Variants in GNL3L observed in about 807,000 individuals in gnomAD.
The protein encoded by GNL3L is guanine nucleotide-binding protein-like 3-like protein.
Under a neutral mutation model 42.9 loss-of-function variants are expected in GNL3L, and 4 were observed. That is an observed-to-expected ratio of 0.09 (90% confidence interval 0.05 to 0.21). The LOEUF (loss-of-function observed/expected upper bound fraction) is 0.21, where lower values mean the gene tolerates loss of function less well. Ranked by LOEUF, GNL3L falls within the 10% of genes least tolerant of loss-of-function variation. GNL3L has a pLI of 1.00. For missense variants in GNL3L, 412 were observed against 481.7 expected, an observed-to-expected ratio of 0.86 and a Z score of 1.36; for synonymous variants, 159 against 176.3, an observed-to-expected ratio of 0.90 and a Z score of 0.78.
the GNL3L span, among the ~76,000 whole-genome samples, chrX:54,629,890 CT>C: frequency 9.0e-6 from 1 of 111,209 alleles, no homozygotes; most frequent in Non-Finnish European, 1.9e-5. Flanking sequence ...TGGTCCTCTA[CT>C]TTTTTTTGTT....
chrX:54,642,559 G>T, the GNL3L span, among the ~76,000 whole-genome samples: 60 of 109,634 alleles, frequency 5.5e-4, no homozygotes, highest in African/African-American at 2.0e-3. Context: ...TTTTTCCTTC[G>T]CCAGCTTTAA....
chrX:54,628,550 T>A, the GNL3L span, among the ~76,000 whole-genome samples: 1 of 111,376 alleles, frequency 9.0e-6, no homozygotes, highest in Non-Finnish European at 1.9e-5. Context: ...TTATGGTCAT[T>A]CTTCCAGGAG....
At chrX:54,629,961 A>G in the GNL3L span, among the ~76,000 whole-genome samples, 1 of 110,876 alleles carries the variant, frequency 9.0e-6, no homozygotes, top group East Asian at 2.8e-4. Flanking sequence ...CAGAGTTTAT[A>G]TTTCTTCCTG....
intron 16 of GNL3L, among the ~76,000 whole-genome samples, chrX:54,576,863 CT>C (rs1925642211): frequency 8.9e-6 from 1 of 111,860 alleles, no homozygotes; most frequent in Non-Finnish European, 1.9e-5. Context: ...TTCTCTACCC[CT>C]TTTTAAATCC....
chrX:54,565,065 T>G lies in GNL3L; in HGVS notation c.*4463T>G, dbSNP rs1601994931. ...TTTTCGTCTTTTGAAGACTGTTATA[T>G]ACATGAAATTATATGGTATGTAGCA... On this transcript the variant is annotated 3_prime_UTR_variant, in exon 16 of 16. Coordinates refer to ENST00000360845, the MANE Select transcript of GNL3L (RefSeq NM_001184819.2). Among the ~76,000 whole-genome samples the G allele has an allele frequency of 9.0e-6, 1 of 111,508 alleles. No homozygotes were observed. Among genetic ancestry groups the G allele is most frequent in the East Asian group, 2.8e-4 (1 of 3,564 alleles).
chrX:54,546,419 G>C (rs1273918589), intron 8 of GNL3L, among the ~76,000 whole-genome samples: 2 of 111,309 alleles, frequency 1.8e-5, no homozygotes, highest in South Asian at 7.6e-4. Flanking sequence ...AGGTGAGGTA[G>C]AGAAAGGGAG....
At chrX:54,637,000 AAGTGTTC>A in the GNL3L span, among the ~76,000 whole-genome samples, 4 of 112,142 alleles carry the variant, frequency 3.6e-5, no homozygotes, top group Non-Finnish European at 7.5e-5. Context: ...ATAAGTGTAT[AAGTGTTC>A]CCTTTTCTCT....
chrX:54,629,121 G>GA, the GNL3L span, among the ~76,000 whole-genome samples: 1 of 109,275 alleles, frequency 9.2e-6, no homozygotes, highest in African/African-American at 3.3e-5. Context: ...TTTGTATCCT[G>GA]AAACTTTACT....
chrX:54,538,231 G>A (rs954374851), intron 2 of GNL3L, among the ~76,000 whole-genome samples: 1 of 110,929 alleles, frequency 9.0e-6, no homozygotes, highest in Non-Finnish European at 1.9e-5. Flanking sequence ...GTTCTGTTTC[G>A]TACCTTAACT....
chrX:54,535,537 A>T (rs1293751056), intron 2 of GNL3L, among the ~76,000 whole-genome samples: 1 of 111,822 alleles, frequency 8.9e-6, no homozygotes, highest in Non-Finnish European at 1.9e-5. Context: ...TATGTTGGTA[A>T]TTGTATTCAT....
At chrX:54,624,736 T>G (rs6521780), downstream of GNL3L, among the ~76,000 whole-genome samples, 16,291 of 110,605 alleles carry the variant, frequency 0.15, 1,963 homozygotes, top group African/African-American at 0.41. Flanking sequence ...CCACCGCACC[T>G]GGCAGGAATG....
Position 54,552,377 on chromosome X carries a change from G to A in GNL3L, c.1267G>A (p.Glu423Lys), listed in dbSNP as rs1431817317. The A allele has an allele frequency of 2.5e-6, 3 of 1,206,820 alleles. No homozygotes were observed. Among genetic ancestry groups the A allele is most frequent in the Admixed American group, 2.2e-5 (1 of 45,643 alleles). Reference sequence around the variant, plus strand: ...TGCTGAGATCGTTAAGGAAATGACCGAGGTCTTTGACATCGAGGATACTGA... The same window carrying A: ...TGCTGAGATCGTTAAGGAAATGACCAAGGTCTTTGACATCGAGGATACTGA... ...LSAEIVKEMT[E>K]VFDIEDTEQA... is the part of the protein sequence containing the mutation. Residue 423 changes from glutamate to lysine, a missense_variant, in exon 13 of 16, where the codon GAG (glutamate) becomes AAG (lysine). Physicochemically the swap from Glu to Lys is moderately conservative, Grantham distance 56 (BLOSUM62 1). Coordinates refer to ENST00000360845, the MANE Select transcript of GNL3L (RefSeq NM_001184819.2).
chrX:54,588,547 G>A (rs923712796), intron 16 of GNL3L, among the ~76,000 whole-genome samples: 13 of 111,715 alleles, frequency 1.2e-4, no homozygotes, highest in African/African-American at 3.9e-4. Flanking sequence ...GAACCAGGCC[G>A]GGTGTGGTGG....
At chrX:54,634,645 ATT>A in the GNL3L span, among the ~76,000 whole-genome samples, 512 of 93,151 alleles carry the variant, frequency 5.5e-3, 3 homozygotes, top group African/African-American at 0.02. Context: ...AGCCTGGCTA[ATT>A]TTTTTTTTTT....
At chrX:54,635,072 A>G in the GNL3L span, among the ~76,000 whole-genome samples, 2 of 110,759 alleles carry the variant, frequency 1.8e-5, no homozygotes, top group African/African-American at 6.6e-5. Context: ...GATTACAAGC[A>G]TGAGCCACTG....
intron 13 of GNL3L, among the ~76,000 whole-genome samples, chrX:54,553,310 A>C (rs1247944761): frequency 1.8e-5 from 2 of 111,656 alleles, no homozygotes; most frequent in Admixed American, 9.5e-5. Flanking sequence ...TGCCTAAGGA[A>C]GGTATCCAGT....
In GNL3L at chrX:54,552,275, C is replaced by T; in HGVS notation, c.1182-17C>T. ...CTCAGTGACAGCACCACTCATCTCC[C>T]CTATCTCCCAATGCAGCGGGAAGAT... On this transcript the variant is annotated splice_polypyrimidine_tract_variant and intron_variant, in intron 12 of 15. Transcript: ENST00000360845. The T allele has an allele frequency of 6.6e-6, 8 of 1,205,797 alleles. No homozygotes were observed. The highest frequency in any genetic ancestry group is 7.9e-6 in the Non-Finnish European group (7 of 890,021).
At chrX:54,607,029 TTTCTTTC>T (rs1926079941) in intron 16 of GNL3L, among the ~76,000 whole-genome samples, 1 of 67,788 alleles carries the variant, frequency 1.5e-5, no homozygotes, top group South Asian at 7.4e-4. Context: ...TCTTTCTTTC[TTTCTTTC>T]TTTCTTTCTT....
At chrX:54,571,228 C>G (rs1276327643), downstream of GNL3L, among the ~76,000 whole-genome samples, 1 of 97,580 alleles carries the variant, frequency 1.0e-5, no homozygotes, top group Non-Finnish European at 2.0e-5. Flanking sequence ...GAGTCTTGCT[C>G]TGTTGCCCAG....
Sources: gnomAD v4.1 joint callset for allele counts (sites outside exome capture counted in the v4.1 genomes callset) on GRCh38, gnomAD v4.1.1 for gene constraint, MANE v1.5 for transcripts, NCBI Gene and HGNC (gene_info 2026-07-23, HGNC 2026-07-21) for gene names.